The following FAM3C variants were observed in gnomAD, a reference collection of about 807,000 sequenced individuals.
The protein encoded by FAM3C is protein FAM3C.
A neutral mutation model predicts 32.5 loss-of-function variants in FAM3C; 15 were observed. The observed-to-expected ratio is 0.46, with a 90% CI of 0.31 to 0.71. FAM3C has a LOEUF of 0.71. Among genes scored for constraint, FAM3C ranks in the 30% least tolerant of loss-of-function variants. The pLI, the probability that FAM3C is intolerant of heterozygous loss-of-function variation, is 0.05. For missense variants in FAM3C, 175 were observed against 274.4 expected, an observed-to-expected ratio of 0.64 and a Z score of 2.56; for synonymous variants, 75 against 86.1, an observed-to-expected ratio of 0.87 and a Z score of 0.72.
In FAM3C at chr7:121,362,935, T is replaced by A. The variant is rs908089510; in HGVS notation, c.344A>T (p.Glu115Val). Residue 115 changes from glutamate (E) to valine (V), a missense_variant, in exon 7 of 10, where the codon GAA (glutamate) becomes GTA (valine). Coordinates refer to ENST00000359943, the MANE Select transcript of FAM3C (RefSeq NM_014888.3). ...NVALANGKTG[E>V]VLDTKYFDMW... ...GTCAAAATATTTAGTGTCTAATACT[T>A]CTCCTGTTTTTCCTAAAAGAGATTA... 2 of 1,510,744 alleles carry A rather than the reference T, an allele frequency of 1.3e-6. No individual in the cohort carries two copies. Among genetic ancestry groups the A allele is most frequent in the Non-Finnish European group, 1.8e-6 (2 of 1,090,880 alleles). The allele number at this position is 1,510,744 out of a possible 1,614,324, so 93.6% of individuals were successfully genotyped here. A position where few individuals can be genotyped will look rare whatever the true frequency, so the allele number is the denominator to read the frequency against.
At chr7:121,368,336 A>C (rs1794065543) in intron 5 of FAM3C, among the ~76,000 whole-genome samples, 1 of 152,220 alleles carries the variant, frequency 6.6e-6, no homozygotes, top group South Asian at 2.1e-4. Flanking sequence ...GCCCCCATTG[A>C]GACACACTGA....
chr7:121,350,943 T>C (rs1316034329), intron 9 of FAM3C, among the ~76,000 whole-genome samples, 200 bp downstream of exon 9: 1 of 152,182 alleles, frequency 6.6e-6, no homozygotes, highest in East Asian at 1.9e-4. Context: ...GGAAAAAATA[T>C]TCCCATGCAG....
chr7:121,394,170 G>C (rs1203106993), intron 1 of FAM3C, among the ~76,000 whole-genome samples: 1 of 152,130 alleles, frequency 6.6e-6, no homozygotes, highest in Non-Finnish European at 1.5e-5. Context: ...ATTTTTAAGA[G>C]TATAAAAATT....
chr7:121,390,531 G>A (rs1400340705), intron 1 of FAM3C, among the ~76,000 whole-genome samples: 1 of 152,136 alleles, frequency 6.6e-6, no homozygotes, highest in African/African-American at 2.4e-5. Context: ...TTGGAAATTA[G>A]GGCTTAGGAG....
chr7:121,355,257 C>G (rs1257979678), intron 8 of FAM3C, among the ~76,000 whole-genome samples: 3 of 152,096 alleles, frequency 2.0e-5, no homozygotes, highest in Non-Finnish European at 4.4e-5. Context: ...GTCCTGTAAA[C>G]CCCCTCCCCC....
chr7:121,364,068 T>C, intron 6 of FAM3C, 62 bp downstream of exon 6: 1 of 1,116,802 alleles, frequency 9.0e-7, no homozygotes, highest in Non-Finnish European at 1.4e-6. Flanking sequence ...GATAGTGCAT[T>C]TTACTTTGGG....
At chr7:121,375,930 T>C (rs955448554) in intron 3 of FAM3C, among the ~76,000 whole-genome samples, 2 of 152,192 alleles carry the variant, frequency 1.3e-5, no homozygotes, top group South Asian at 2.1e-4. Flanking sequence ...AAGAAAAATA[T>C]GTGCAACTTG....
In FAM3C at chr7:121,373,996, AAAAAAAAAAAAG is replaced by A. The variant is rs1463391837; in HGVS notation, c.119-1869_119-1858del. Reference sequence around the variant, plus strand: ...GGGCGACAGAGCAAGACTCCGTCTCAAAAAAAAAAAAGAAAAAAAAAAAGAACATTAAGTACT... The same window carrying A: ...GGGCGACAGAGCAAGACTCCGTCTCAAAAAAAAAAAAGAACATTAAGTACT... On this transcript the variant is annotated intron_variant, in intron 3 of 9. Transcript: ENST00000359943. Among the ~76,000 whole-genome samples, 8 of 81,830 alleles carry A rather than the reference AAAAAAAAAAAAG, an allele frequency of 9.8e-5. No individual in the cohort carries two copies. In the South Asian group the frequency reaches 1.7e-3, roughly 18 times the overall value. 53.7% of individuals were successfully genotyped at this position (81,830 alleles called of 152,430 possible). A position where few individuals can be genotyped will look rare whatever the true frequency, so the allele number is the denominator to read the frequency against.
intron 3 of FAM3C, among the ~76,000 whole-genome samples, chr7:121,374,374 T>C (rs993066871): frequency 6.6e-6 from 1 of 152,222 alleles, no homozygotes; most frequent in African/African-American, 2.4e-5. Context: ...AAATTTTCAT[T>C]CTTCCTTTCT....
At chr7:121,365,400 T>C (rs1342153967) in intron 5 of FAM3C, among the ~76,000 whole-genome samples, 1 of 152,128 alleles carries the variant, frequency 6.6e-6, no homozygotes, top group African/African-American at 2.4e-5. Context: ...TTTGGTGCTA[T>C]CCACCATATA....
chr7:121,386,678 C>T (rs1305922064), intron 1 of FAM3C, among the ~76,000 whole-genome samples: 1 of 134,284 alleles, frequency 7.4e-6, no homozygotes, highest in African/African-American at 3.1e-5. Flanking sequence ...TATACATACA[C>T]ACACACACGC....
At chr7:121,372,548 T>C (rs1452901898) in intron 3 of FAM3C, among the ~76,000 whole-genome samples, 1 of 152,146 alleles carries the variant, frequency 6.6e-6, no homozygotes, top group Non-Finnish European at 1.5e-5. Context: ...CCCCAGAGAA[T>C]ATACATGAAT....
intron 5 of FAM3C, 74 bp from the exon 6 acceptor site, chr7:121,364,262 CA>C: frequency 4.0e-6 from 4 of 998,882 alleles, no homozygotes; most frequent in Admixed American, 2.1e-5. Flanking sequence ...TAAAGTCTTG[CA>C]AAAAAAGTTA....
intron 5 of FAM3C, among the ~76,000 whole-genome samples, chr7:121,370,076 T>C (rs965778415): frequency 6.6e-6 from 1 of 152,222 alleles, no homozygotes; most frequent in South Asian, 2.1e-4. Flanking sequence ...TTGGGGTCTA[T>C]TTAACCAAAC....
chr7:121,363,245 G>A (rs970699050), intron 6 of FAM3C, among the ~76,000 whole-genome samples: 3 of 152,088 alleles, frequency 2.0e-5, no homozygotes, highest in African/African-American at 7.2e-5. Context: ...AATTCGGTTA[G>A]ATATATTTCA....
intron 1 of FAM3C, among the ~76,000 whole-genome samples, chr7:121,384,349 T>C (rs957281670): frequency 7.2e-5 from 11 of 152,276 alleles, no homozygotes; most frequent in Middle Eastern, 3.4e-3. Flanking sequence ...AACCATCACA[T>C]AAAAGCAGAA....
At chr7:121,374,617 T>C (rs1794207082) in intron 3 of FAM3C, among the ~76,000 whole-genome samples, 1 of 152,234 alleles carries the variant, frequency 6.6e-6, no homozygotes, top group Non-Finnish European at 1.5e-5. Context: ...CATATATCCA[T>C]CTTCGTTAAG....
At chr7:121,353,747 G>C (rs1274094112) in intron 8 of FAM3C, among the ~76,000 whole-genome samples, 1 of 152,182 alleles carries the variant, frequency 6.6e-6, no homozygotes, top group East Asian at 1.9e-4. Context: ...CATTTCCCAT[G>C]TGTTGTCCTA....
intron 1 of FAM3C, among the ~76,000 whole-genome samples, chr7:121,395,622 A>T (rs1190132981): frequency 6.6e-6 from 1 of 152,138 alleles, no homozygotes; most frequent in Non-Finnish European, 1.5e-5. Flanking sequence ...GTAGCAAACA[A>T]ATAGGAAGAA....
Sources: gnomAD v4.1 joint callset for allele counts (sites outside exome capture counted in the v4.1 genomes callset) on GRCh38, gnomAD v4.1.1 for gene constraint, MANE v1.5 for transcripts, NCBI Gene and HGNC (gene_info 2026-07-23, HGNC 2026-07-21) for gene names.